Variants in CPNE8 observed in about 807,000 individuals in gnomAD.
The protein encoded by CPNE8 is copine 8.
CPNE8 carries 45 observed loss-of-function variants against 81.5 expected under a neutral mutation model. The ratio of observed to expected loss-of-function variants is 0.55; its 90% CI spans 0.44 to 0.71. CPNE8 has a LOEUF of 0.71. Among genes scored for constraint, CPNE8 ranks in the 30% least tolerant of loss-of-function variants. The pLI, the probability that CPNE8 is intolerant of heterozygous loss-of-function variation, is 0.00. For missense variants in CPNE8, 594 were observed against 672.1 expected (o/e 0.88, Z 1.28); for synonymous variants, 252 against 226.3 (o/e 1.11, Z -1.02).
At chr12:38,745,178 C>T (rs542179581) in intron 10 of CPNE8, among the ~76,000 whole-genome samples, 3 of 152,310 alleles carry the variant, frequency 2.0e-5, no homozygotes, top group African/African-American at 7.2e-5. Flanking sequence ...TACATTATAA[C>T]GTACTCAGAA....
chr12:38,808,907 A>C (rs1007620385), intron 6 of CPNE8, among the ~76,000 whole-genome samples: 1 of 152,138 alleles, frequency 6.6e-6, no homozygotes, highest in African/African-American at 2.4e-5. Flanking sequence ...TGTAGATTTC[A>C]AGCACGCTAG....
At chr12:38,654,096 T>C in intron 19 of CPNE8, 26 bp from the exon 20 acceptor site, 1 of 1,571,992 alleles carries the variant, frequency 6.4e-7, no homozygotes, top group Admixed American at 1.9e-5. Flanking sequence ...AAGAAAGTTA[T>C]TTCACAGACT....
chr12:38,755,080 C>T (rs574641360), intron 10 of CPNE8, among the ~76,000 whole-genome samples: 10 of 152,164 alleles, frequency 6.6e-5, no homozygotes, highest in Non-Finnish European at 1.2e-4. Context: ...AATGCATAAT[C>T]CCAGAATGAA....
chr12:38,753,718 A>C (rs1941398204), intron 10 of CPNE8, among the ~76,000 whole-genome samples: 1 of 152,192 alleles, frequency 6.6e-6, no homozygotes, highest in South Asian at 2.1e-4. Context: ...CCTGTAAGTT[A>C]GGTGAGTACA....
chr12:38,850,429 G>A (rs866979658), intron 3 of CPNE8, among the ~76,000 whole-genome samples: 2 of 152,072 alleles, frequency 1.3e-5, no homozygotes, highest in Non-Finnish European at 2.9e-5. Context: ...ACACACACAA[G>A]CCTATTTCTC....
chr12:38,902,333 AAAG>A (rs1944483180), intron 1 of CPNE8, among the ~76,000 whole-genome samples: 4 of 77,302 alleles, frequency 5.2e-5, no homozygotes, highest in African/African-American at 2.3e-4. Flanking sequence ...AGAAAGAAAG[AAAG>A]AAAGAAAGAA....
At chr12:38,905,630 G>C, upstream of CPNE8, 2 of 1,514,270 alleles carry the variant, frequency 1.3e-6, no homozygotes, top group East Asian at 2.5e-5. Flanking sequence ...GGGGTTGAGG[G>C]TGGAGGCAGA....
intron 6 of CPNE8, among the ~76,000 whole-genome samples, chr12:38,799,361 G>A (rs2136953533): frequency 6.6e-6 from 1 of 152,210 alleles, no homozygotes; most frequent in Middle Eastern, 3.4e-3. Context: ...AGACCACAGT[G>A]CAATCAAACT....
At chr12:38,799,798 G>A (rs917505065) in intron 6 of CPNE8, among the ~76,000 whole-genome samples, 39 of 141,754 alleles carry the variant, frequency 2.8e-4, no homozygotes, top group Middle Eastern at 3.5e-3. Flanking sequence ...CAGTGTGTGC[G>A]CGCACCGTGC....
At chr12:38,731,400 C>G (rs191407185) in intron 10 of CPNE8, among the ~76,000 whole-genome samples, 42 of 151,810 alleles carry the variant, frequency 2.8e-4, no homozygotes, top group Admixed American at 2.6e-3. Flanking sequence ...TGGTGTTTAA[C>G]CAATGAAAAT....
At chr12:38,808,101 C>T (rs1436722426) in intron 6 of CPNE8, among the ~76,000 whole-genome samples, 1 of 152,084 alleles carries the variant, frequency 6.6e-6, no homozygotes, top group South Asian at 2.1e-4. Context: ...AGTCAGGAAA[C>T]AACAGGTGCT....
chr12:38,710,559 T>C (rs1300339893), intron 13 of CPNE8, among the ~76,000 whole-genome samples: 1 of 152,212 alleles, frequency 6.6e-6, no homozygotes, highest in African/African-American at 2.4e-5. Context: ...TCTCAAGTAC[T>C]TGCACATAGC....
At chr12:38,841,307 T>A (rs1307306375) in intron 4 of CPNE8, among the ~76,000 whole-genome samples, 1 of 152,164 alleles carries the variant, frequency 6.6e-6, no homozygotes, top group South Asian at 2.1e-4. Context: ...AGCCACTCTA[T>A]AGAGATCGAA....
intron 6 of CPNE8, among the ~76,000 whole-genome samples, chr12:38,782,900 A>G (rs1942086917): frequency 6.6e-6 from 1 of 152,026 alleles, no homozygotes; most frequent in Non-Finnish European, 1.5e-5. Context: ...AGCTGTTCTC[A>G]AACTACTGGG....
chr12:38,681,584 A>G (rs1316685297), intron 16 of CPNE8, among the ~76,000 whole-genome samples: 1 of 152,160 alleles, frequency 6.6e-6, no homozygotes. Flanking sequence ...TATGGTTAAC[A>G]CCTACCATCA....
Position 38,738,909 on chromosome 12 carries a change from A to G in CPNE8, c.723-8551T>C, listed in dbSNP as rs1254745367. On this transcript the variant is annotated intron_variant, in intron 10 of 19. Transcript: ENST00000331366. ...GTTCACTGCAGCCTCCAACTCTCCA[A>G]CACAAGGGATCCTCCTGCCTCAGCC... is the stretch of plus-strand genomic sequence containing the variant. 4.6e-5 allele frequency among the ~76,000 whole-genome samples: 7 copies of G among 150,596 alleles called. No homozygotes were observed. The East Asian group carries it at 1.2e-3, about 25-fold the overall frequency.
chr12:38,865,792 G>C (rs1187679239), intron 3 of CPNE8, among the ~76,000 whole-genome samples: 2 of 152,126 alleles, frequency 1.3e-5, no homozygotes, highest in Non-Finnish European at 2.9e-5. Context: ...AATAATTTAA[G>C]AGATCAAAAT....
intron 8 of CPNE8, among the ~76,000 whole-genome samples, chr12:38,766,945 C>T (rs1032822418): frequency 3.3e-5 from 5 of 152,020 alleles, no homozygotes; most frequent in Non-Finnish European, 7.4e-5. Flanking sequence ...AACGGAATCT[C>T]ACATACATTA....
At chr12:38,828,553 G>A (rs1943235956) in intron 6 of CPNE8, among the ~76,000 whole-genome samples, 1 of 152,094 alleles carries the variant, frequency 6.6e-6, no homozygotes, top group Non-Finnish European at 1.5e-5. Flanking sequence ...GCCATTTCAA[G>A]TATTTATGTC....
Sources: allele counts gnomAD v4.1 joint callset (sites outside exome capture counted in the v4.1 genomes callset), GRCh38; gene constraint gnomAD v4.1.1; transcripts MANE v1.5; gene names NCBI Gene and HGNC (gene_info 2026-07-23, HGNC 2026-07-21).